The following SPSB4 variants were observed in gnomAD, a reference collection of about 807,000 sequenced individuals.
The protein encoded by SPSB4 is SPRY domain-containing SOCS box protein 4.
SPSB4 carries 21 observed loss-of-function variants against 20.9 expected under a neutral mutation model. That is an observed-to-expected ratio of 1.01 (90% confidence interval 0.71 to 1.45). The LOEUF (loss-of-function observed/expected upper bound fraction) is 1.45. Ranked by LOEUF, SPSB4 falls within the 40% of genes most tolerant of loss-of-function variation. The pLI, the probability that SPSB4 is intolerant of heterozygous loss-of-function variation, is 0.00. For synonymous variants in SPSB4, 207 were observed against 183.8 expected, an observed-to-expected ratio of 1.13 and a Z score of -1.02; for missense variants, 399 against 399.2, an observed-to-expected ratio of 1.00 and a Z score of 0.00.
In SPSB4 at chr3:141,066,603, C is replaced by A; in HGVS notation, c.499C>A (p.Pro167Thr). Residue 167 changes from proline (P) to threonine (T), a missense_variant, in exon 2 of 3, where the codon CCC (proline) becomes ACC (threonine). Transcript: ENST00000310546. ...CGTGGCCTACCCGGCCTTTCTGGGG[C>A]CCGACGAGGCCTTTGCGCTGCCCGA... ...PGVAYPAFLGPDEAFALPDSL... is the reference protein window; with the variant it reads ...PGVAYPAFLGTDEAFALPDSL... 6.3e-7 allele frequency: 1 copy of A among 1,582,760 alleles called. No homozygotes were observed.
At chr3:141,119,213 G>T (rs1280504665) in intron 2 of SPSB4, among the ~76,000 whole-genome samples, 1 of 152,178 alleles carries the variant, frequency 6.6e-6, no homozygotes, top group Non-Finnish European at 1.5e-5. Flanking sequence ...CACATCCCTT[G>T]TAAGTTGGAT....
intron 2 of SPSB4, among the ~76,000 whole-genome samples, chr3:141,072,106 G>C (rs1378448196): frequency 6.6e-6 from 1 of 152,172 alleles, no homozygotes; most frequent in Non-Finnish European, 1.5e-5. Context: ...TTATCAATCT[G>C]TCCTGACCCC....
At chr3:141,069,888 C>T (rs1937963689) in intron 2 of SPSB4, among the ~76,000 whole-genome samples, 1 of 152,154 alleles carries the variant, frequency 6.6e-6, no homozygotes, top group South Asian at 2.1e-4. Context: ...ATGGATATCA[C>T]TTTCTCAATT....
intron 2 of SPSB4, among the ~76,000 whole-genome samples, chr3:141,097,604 A>G (rs116016495): frequency 0.021 from 3,225 of 151,484 alleles, 122 homozygotes; most frequent in African/African-American, 0.075. Flanking sequence ...ATCTCCTAAT[A>G]CCTCTTCACT....
intron 2 of SPSB4, among the ~76,000 whole-genome samples, chr3:141,068,586 C>G (rs1436178774): frequency 6.6e-6 from 1 of 152,174 alleles, no homozygotes; most frequent in Non-Finnish European, 1.5e-5. Flanking sequence ...TGGTGAGTCA[C>G]TCTTACTCCT....
Position 141,147,440 on chromosome 3 carries a change from C to G in SPSB4, c.*171C>G. ...GGTACCAACTTTGGAAACGAAAGGT[C>G]TCTTGCCAACAGTATCTACTGCCCT... On this transcript the variant is annotated 3_prime_UTR_variant, in exon 3 of 3. Coordinates refer to ENST00000310546, the MANE Select transcript of SPSB4 (RefSeq NM_080862.3). 1 of 1,137,940 alleles carries G rather than the reference C, an allele frequency of 8.8e-7. No individual in the cohort carries two copies. 70.5% of individuals were successfully genotyped at this position (1,137,940 alleles called of 1,614,324 possible).
At chr3:141,063,133 T>C (rs1937797492) in intron 1 of SPSB4, among the ~76,000 whole-genome samples, 1 of 152,238 alleles carries the variant, frequency 6.6e-6, no homozygotes, top group South Asian at 2.1e-4. Flanking sequence ...TTAAAACCTT[T>C]TGTCCTGAAA....
At chr3:141,125,322 G>A (rs565995916) in intron 2 of SPSB4, among the ~76,000 whole-genome samples, 14 of 152,242 alleles carry the variant, frequency 9.2e-5, no homozygotes, top group South Asian at 4.1e-4. Flanking sequence ...CCTTCTCTCC[G>A]TTTCACCCAT....
At chr3:141,104,049 G>A (rs1162757520) in intron 2 of SPSB4, among the ~76,000 whole-genome samples, 1 of 152,196 alleles carries the variant, frequency 6.6e-6, no homozygotes, top group African/African-American at 2.4e-5. Context: ...TGAGGTGTCA[G>A]TGAAATGATC....
At chr3:141,079,770 G>A (rs1418231561) in intron 2 of SPSB4, among the ~76,000 whole-genome samples, 2 of 152,226 alleles carry the variant, frequency 1.3e-5, no homozygotes, top group Non-Finnish European at 2.9e-5. Flanking sequence ...ATAAGGGAGG[G>A]AGGTCAGCTG....
At chr3:141,098,970 A>C (rs916341567) in intron 2 of SPSB4, among the ~76,000 whole-genome samples, 3 of 152,180 alleles carry the variant, frequency 2.0e-5, no homozygotes, top group Admixed American at 6.5e-5. Context: ...CACATGAAAA[A>C]GAGACCAGAT....
At chr3:141,096,645 G>A (rs952403298) in intron 2 of SPSB4, among the ~76,000 whole-genome samples, 27 of 152,184 alleles carry the variant, frequency 1.8e-4, no homozygotes, top group Admixed American at 1.6e-3. Flanking sequence ...TGCTGCTCAC[G>A]CATTTGGTAA....
At chr3:141,105,068 A>C (rs1030649318) in intron 2 of SPSB4, among the ~76,000 whole-genome samples, 40 of 152,220 alleles carry the variant, frequency 2.6e-4, no homozygotes, top group African/African-American at 9.4e-4. Context: ...ATGAATGAGG[A>C]GACTGAGTTC....
At chr3:141,117,577 T>C (rs1217037574) in intron 2 of SPSB4, among the ~76,000 whole-genome samples, 2 of 152,224 alleles carry the variant, frequency 1.3e-5, no homozygotes, top group Non-Finnish European at 2.9e-5. Context: ...GGTATATATG[T>C]GCCATGTTGG....
intron 2 of SPSB4, among the ~76,000 whole-genome samples, chr3:141,074,000 T>C (rs16851045): frequency 0.13 from 19,472 of 152,220 alleles, 4,006 homozygotes; most frequent in African/African-American, 0.44. Context: ...GAGGTTTTCA[T>C]ATTAACATAG....
chr3:141,136,213 G>A (rs1258432942), intron 2 of SPSB4, among the ~76,000 whole-genome samples: 1 of 152,106 alleles, frequency 6.6e-6, no homozygotes, highest in Non-Finnish European at 1.5e-5. Context: ...AAATTTGTTT[G>A]AGTTCTTTGT....
At chr3:141,067,279 C>T (rs1000118042) in intron 2 of SPSB4, among the ~76,000 whole-genome samples, 12 of 152,320 alleles carry the variant, frequency 7.9e-5, no homozygotes, top group Admixed American at 2.0e-4. Flanking sequence ...TACTGATAAC[C>T]GTCCTTTATT....
rs138571281 is a variant in SPSB4 at position 141,090,741 on chromosome 3, G to T, written c.694+23943G>T. On this transcript the variant is annotated intron_variant, in intron 2 of 2. Coordinates refer to ENST00000310546, the MANE Select transcript of SPSB4 (RefSeq NM_080862.3). ...GGGAGTCACTACAGACTTTTGAGAA[G>T]AAGGGTGGCATGATTTGCCTAGGTT... is the stretch of plus-strand genomic sequence containing the variant. 4.8e-3 allele frequency among the ~76,000 whole-genome samples: 731 copies of T among 152,330 alleles called. 3 individuals carry two copies. Among genetic ancestry groups the T allele is most frequent in the Admixed American group, 0.011 (166 of 15,310 alleles).
intron 2 of SPSB4, among the ~76,000 whole-genome samples, chr3:141,145,791 A>G (rs190166323): frequency 7.2e-5 from 11 of 152,088 alleles, no homozygotes; most frequent in Non-Finnish European, 1.2e-4. Flanking sequence ...ATGCTAACTG[A>G]TCAGCACTGT....
Sources: allele counts gnomAD v4.1 joint callset (sites outside exome capture counted in the v4.1 genomes callset), GRCh38; gene constraint gnomAD v4.1.1; transcripts MANE v1.5; gene names NCBI Gene and HGNC (gene_info 2026-07-23, HGNC 2026-07-21).